The following COL4A6 variants were observed in gnomAD, a reference collection of about 807,000 sequenced individuals.
The protein encoded by COL4A6 is collagen alpha-6(IV) chain.
COL4A6 carries 59 observed loss-of-function variants against 126.7 expected under a neutral mutation model. That is an observed-to-expected ratio of 0.47 (90% CI 0.38 to 0.58). The LOEUF (loss-of-function observed/expected upper bound fraction) is 0.58. Among genes scored for constraint, COL4A6 ranks in the 20% least tolerant of loss-of-function variants. The pLI, the probability that COL4A6 is intolerant of heterozygous loss-of-function variation, is 0.00. For synonymous variants in COL4A6, 547 were observed against 496.6 expected (o/e 1.10, Z -1.35); for missense variants, 1,285 against 1,337.3 (o/e 0.96, Z 0.61).
At chrX:108,303,623 C>G (rs760698241) in intron 3 of COL4A6, among the ~76,000 whole-genome samples, 1 of 111,643 alleles carries the variant, frequency 9.0e-6, no homozygotes, top group Non-Finnish European at 1.9e-5. Context: ...ATTTAAAGAG[C>G]GAGTTTCTAA....
chrX:108,318,176 C>T (rs2147932575), intron 2 of COL4A6, among the ~76,000 whole-genome samples: 1 of 111,362 alleles, frequency 9.0e-6, no homozygotes, highest in South Asian at 3.8e-4. Context: ...TTCAACAACC[C>T]TTCATGCTAA....
At chrX:108,158,041 A>G (rs1407558481) in intron 44 of COL4A6, among the ~76,000 whole-genome samples, 1 of 112,338 alleles carries the variant, frequency 8.9e-6, no homozygotes, top group Non-Finnish European at 1.9e-5. Context: ...TGCAAGAGTG[A>G]GAGTCTGCAT....
intron 2 of COL4A6, among the ~76,000 whole-genome samples, chrX:108,359,422 C>T (rs2040033308): frequency 8.9e-6 from 1 of 112,642 alleles, no homozygotes; most frequent in South Asian, 3.6e-4. Flanking sequence ...GCTGCAATTG[C>T]AGGTATTTTT....
chrX:108,311,076 T>C (rs2038749114), intron 2 of COL4A6, among the ~76,000 whole-genome samples: 1 of 112,110 alleles, frequency 8.9e-6, no homozygotes, highest in Admixed American at 9.4e-5. Context: ...CTGGTAGAAA[T>C]TCCAGGCACA....
At chrX:108,411,058 A>G (rs2080476612) in intron 2 of COL4A6, among the ~76,000 whole-genome samples, 1 of 112,556 alleles carries the variant, frequency 8.9e-6, no homozygotes, top group Admixed American at 9.4e-5. Context: ...CTCAAAGATG[A>G]AGAATTTGGG....
At chrX:108,429,411 C>CTTTGTTGACTTTGGTAT in intron 2 of COL4A6, among the ~76,000 whole-genome samples, 2 of 111,898 alleles carry the variant, frequency 1.8e-5, no homozygotes, top group Non-Finnish European at 3.8e-5. Context: ...CATGAGGGAT[C>CTTTGTTGACTTTGGTAT]CTTGTTGACT....
intron 2 of COL4A6, among the ~76,000 whole-genome samples, chrX:108,408,025 A>C: frequency 9.0e-6 from 1 of 111,659 alleles, no homozygotes; most frequent in Admixed American, 9.6e-5. Context: ...AGAGAAGCTA[A>C]GTAGGCCGGG....
At chrX:108,273,742 G>A (rs1184462404) in intron 3 of COL4A6, among the ~76,000 whole-genome samples, 1 of 111,982 alleles carries the variant, frequency 8.9e-6, no homozygotes, top group Non-Finnish European at 1.9e-5. Context: ...CCAAGGCTGA[G>A]TACCATGGAT....
At chrX:108,202,616 G>T (rs759220000) in intron 13 of COL4A6, among the ~76,000 whole-genome samples, 2 of 111,620 alleles carry the variant, frequency 1.8e-5, no homozygotes, top group East Asian at 5.6e-4. Context: ...GGAAACTGAG[G>T]CTCAGAAAAG....
intron 2 of COL4A6, among the ~76,000 whole-genome samples, chrX:108,321,513 C>T (rs2039028048): frequency 9.0e-6 from 1 of 110,972 alleles, no homozygotes; most frequent in Non-Finnish European, 1.9e-5. Context: ...ATTATTTGTA[C>T]TGTGTGTACA....
intron 2 of COL4A6, among the ~76,000 whole-genome samples, chrX:108,393,179 G>A (rs1242189811): frequency 9.0e-6 from 1 of 111,624 alleles, no homozygotes; most frequent in African/African-American, 3.3e-5. Context: ...ATTTGTACAT[G>A]AATATTCATA....
chrX:108,222,791 C>T (rs1422817742), intron 3 of COL4A6, among the ~76,000 whole-genome samples: 1 of 111,687 alleles, frequency 9.0e-6, no homozygotes, highest in East Asian at 2.8e-4. Context: ...TTTTTAGGCT[C>T]CTACCTCCCA....
chrX:108,322,555 G>A (rs2039054837), intron 2 of COL4A6, among the ~76,000 whole-genome samples: 1 of 112,101 alleles, frequency 8.9e-6, no homozygotes, highest in Non-Finnish European at 1.9e-5. Flanking sequence ...ATGAACCAGG[G>A]CCTGAGGGGA....
At chrX:108,373,968 A>G (rs973803393) in intron 2 of COL4A6, among the ~76,000 whole-genome samples, 7 of 112,359 alleles carry the variant, frequency 6.2e-5, no homozygotes, top group Admixed American at 2.8e-4. Flanking sequence ...TGCTAAAAGA[A>G]TATATCCTCC....
chrX:108,272,690 CTT>C (rs1245112332), intron 3 of COL4A6, among the ~76,000 whole-genome samples: 1 of 104,078 alleles, frequency 9.6e-6, no homozygotes. Context: ...TCCAGAAATG[CTT>C]TTTTTTTTTA....
rs1283678140 is a variant in COL4A6, at chrX:108,214,238, G to A, written c.325-10C>T. 1 of 1,134,489 alleles carries A rather than the reference G, an allele frequency of 8.8e-7. No individual in the cohort carries two copies. 93.5% of individuals were successfully genotyped at this position (1,134,489 alleles called of 1,213,427 possible). On this transcript the variant is annotated splice_polypyrimidine_tract_variant and intron_variant, in intron 5 of 44. Transcript: ENST00000334504. ...GTTGTCCAGGGTGGCCCTGTTCAAA[G>A]AGAAAAGAAGGGATCAAGTTAGCCA...
chrX:108,256,956 G>C (rs780607297), intron 3 of COL4A6, among the ~76,000 whole-genome samples: 12 of 111,754 alleles, frequency 1.1e-4, no homozygotes, highest in Non-Finnish European at 1.9e-5. Flanking sequence ...ATAGCAGAAA[G>C]GAGGAAGGCA....
At chrX:108,334,950 G>A (rs1178522099) in intron 2 of COL4A6, among the ~76,000 whole-genome samples, 1 of 111,799 alleles carries the variant, frequency 8.9e-6, no homozygotes, top group African/African-American at 3.2e-5. Context: ...ATATGGTACT[G>A]TTCTGTGCAG....
At chrX:108,230,569 G>A (rs1035895479) in intron 3 of COL4A6, among the ~76,000 whole-genome samples, 8 of 111,904 alleles carry the variant, frequency 7.1e-5, no homozygotes, top group South Asian at 3.8e-4. Flanking sequence ...TACCTCAGTA[G>A]CCAGGGATCT....
Sources: gnomAD v4.1 joint callset for allele counts (sites outside exome capture counted in the v4.1 genomes callset) on GRCh38, gnomAD v4.1.1 for gene constraint, MANE v1.5 for transcripts, NCBI Gene and HGNC (gene_info 2026-07-23, HGNC 2026-07-21) for gene names.